The following PLXNA4 variants were observed in gnomAD, a reference collection of about 807,000 sequenced individuals.
PLXNA4 encodes plexin-A4.
In PLXNA4, 44 loss-of-function variants were observed where a neutral mutation model predicts 191.8. That is an observed-to-expected ratio of 0.23 (90% confidence interval 0.18 to 0.29). The LOEUF (loss-of-function observed/expected upper bound fraction) is 0.29, where lower values mean the gene tolerates loss of function less well. Ranked by LOEUF, PLXNA4 falls within the 10% of genes least tolerant of loss-of-function variation. PLXNA4 has a pLI of 1.00. For missense variants in PLXNA4, 1,800 were observed against 2,488.8 expected (o/e 0.72, Z 5.89); for synonymous variants, 1,082 against 1,009.5 (o/e 1.07, Z -1.36).
At chr7:132,534,135 T>C (rs12540584) in intron 1 of PLXNA4, among the ~76,000 whole-genome samples, 5,124 of 151,728 alleles carry the variant, frequency 0.034, 233 homozygotes, top group African/African-American at 0.1. Context: ...GTGTGTGTAG[T>C]AGTAAAGAGG....
At chr7:132,148,438 TG>T in intron 26 of PLXNA4, 104 bp downstream of exon 26, 1 of 1,487,572 alleles carries the variant, frequency 6.7e-7, no homozygotes, top group African/African-American at 1.4e-5. Flanking sequence ...GAACATGGAG[TG>T]CTGGTGAGGG....
chr7:132,298,974 C>T (rs780087613), intron 3 of PLXNA4, among the ~76,000 whole-genome samples: 53 of 152,218 alleles, frequency 3.5e-4, no homozygotes, highest in Non-Finnish European at 6.5e-4. Flanking sequence ...AAGACTTCTG[C>T]CCACATGCCC....
chr7:132,356,379 C>T (rs1286757486), intron 3 of PLXNA4, among the ~76,000 whole-genome samples: 1 of 152,142 alleles, frequency 6.6e-6, no homozygotes, highest in Non-Finnish European at 1.5e-5. Context: ...ATTGCTGAGC[C>T]GTTTATAAAC....
intron 3 of PLXNA4, among the ~76,000 whole-genome samples, chr7:132,484,339 C>T (rs931454827): frequency 3.9e-5 from 6 of 152,184 alleles, no homozygotes; most frequent in East Asian, 3.9e-4. Flanking sequence ...TGTGGTTGAA[C>T]GTGAAATCAG....
chr7:132,151,273 AAGAAGG>A (rs1795593352), intron 25 of PLXNA4, among the ~76,000 whole-genome samples: 1 of 106,346 alleles, frequency 9.4e-6, no homozygotes, highest in African/African-American at 2.9e-5. Context: ...GAGGAGGAAG[AAGAAGG>A]AGGAGGAGGA....
chr7:132,573,039 G>A (rs1802050505), intron 1 of PLXNA4, among the ~76,000 whole-genome samples: 1 of 151,760 alleles, frequency 6.6e-6, no homozygotes, highest in African/African-American at 2.4e-5. Context: ...GAATGGGCTG[G>A]CGGATGTGCG....
intron 1 of PLXNA4, among the ~76,000 whole-genome samples, chr7:132,571,879 A>C (rs1020006501): frequency 1.3e-5 from 2 of 152,102 alleles, no homozygotes; most frequent in Admixed American, 1.3e-4. Flanking sequence ...GGAATTGCCA[A>C]ATGAGGTGAC....
Position 132,179,859 on chromosome 7 carries a change from G to A in PLXNA4, c.3702C>T (p.Leu1234=), listed in dbSNP as rs372461782. The change falls in exon 20 of 32, where the codon CTC becomes CTT. Residue 1234 remains leucine, a synonymous_variant. Transcript: ENST00000321063. ...GMVYIAPDSP[L]SLPAIVSIAV... is the part of the protein sequence containing the mutation. ...CGATGCTGACGATGGCGGGCAGGCT[G>A]AGCGGGCTGTCCGGGGCAATGTACA... 3.1e-6 allele frequency: 5 copies of A among 1,613,292 alleles called. No individual in the cohort carries two copies. In the African/African-American group the frequency reaches 4.0e-5, roughly 13 times the overall value.
intron 2 of PLXNA4, among the ~76,000 whole-genome samples, chr7:132,501,939 G>A (rs370836001): frequency 1.3e-5 from 2 of 152,326 alleles, no homozygotes; most frequent in African/African-American, 2.4e-5. Context: ...AGGATGGTGC[G>A]GGGAAGAGGA....
intron 4 of PLXNA4, among the ~76,000 whole-genome samples, chr7:132,256,942 A>G (rs935918931): frequency 6.6e-6 from 1 of 152,214 alleles, no homozygotes; most frequent in Non-Finnish European, 1.5e-5. Context: ...TTCCCCATTC[A>G]TAAGCAATTT....
intron 19 of PLXNA4, 72 bp from the exon 20 acceptor site, chr7:132,179,993 C>A: frequency 6.6e-7 from 1 of 1,506,154 alleles, no homozygotes; most frequent in East Asian, 2.4e-5. Context: ...CCAAGTTACC[C>A]ATGAACTAGT....
At chr7:132,601,950 A>G (rs1459321991) in intron 2 of PLXNA4, among the ~76,000 whole-genome samples, 1 of 152,222 alleles carries the variant, frequency 6.6e-6, no homozygotes, top group African/African-American at 2.4e-5. Flanking sequence ...ACTATGATTT[A>G]TCTCTCATTC....
At chr7:132,151,457 AGGAGGAGGAGGAGAAAGG>A (rs1338704458) in intron 25 of PLXNA4, among the ~76,000 whole-genome samples, 3 of 100,396 alleles carry the variant, frequency 3.0e-5, no homozygotes, top group African/African-American at 1.2e-4. Context: ...AAGAAGAAGG[AGGAGGAGGAGGAGAAAGG>A]AGGAGGAGGA....
intron 4 of PLXNA4, among the ~76,000 whole-genome samples, chr7:132,270,643 C>T (rs1800031968): frequency 6.6e-6 from 1 of 152,158 alleles, no homozygotes; most frequent in African/African-American, 2.4e-5. Flanking sequence ...TATGTAATAC[C>T]TCTATGAAAA....
At chr7:132,416,462 T>C (rs1429659830) in intron 3 of PLXNA4, among the ~76,000 whole-genome samples, 1 of 152,214 alleles carries the variant, frequency 6.6e-6, no homozygotes, top group African/African-American at 2.4e-5. Flanking sequence ...TAGCCAGTTA[T>C]GTCGAAGGCT....
chr7:132,580,486 C>T (rs1025222759), upstream of PLXNA4, among the ~76,000 whole-genome samples: 1 of 152,136 alleles, frequency 6.6e-6, no homozygotes, highest in Non-Finnish European at 1.5e-5. Flanking sequence ...ATTGTCTGGA[C>T]CCATGGCCAC....
chr7:132,212,972 C>T (rs980761533), intron 9 of PLXNA4, among the ~76,000 whole-genome samples: 10 of 152,212 alleles, frequency 6.6e-5, no homozygotes, highest in Non-Finnish European at 1.3e-4. Flanking sequence ...ACAACAGCAT[C>T]ATTCACAACA....
At chr7:132,538,778 T>C (rs188035704) in intron 1 of PLXNA4, among the ~76,000 whole-genome samples, 1 of 152,276 alleles carries the variant, frequency 6.6e-6, no homozygotes, top group African/African-American at 2.4e-5. Context: ...TCCCACACTT[T>C]GATTCCAGCT....
intron 1 of PLXNA4, among the ~76,000 whole-genome samples, chr7:132,521,177 TGAAAAAAAAAA>T (rs1289679000): frequency 1.0e-4 from 12 of 115,628 alleles, no homozygotes; most frequent in African/African-American, 3.3e-4. Context: ...ATTTGCTCCT[TGAAAAAAAAAA>T]AAAAAAAAAA....
Sources: allele counts gnomAD v4.1 joint callset (sites outside exome capture counted in the v4.1 genomes callset), GRCh38; gene constraint gnomAD v4.1.1; transcripts MANE v1.5; gene names NCBI Gene and HGNC (gene_info 2026-07-23, HGNC 2026-07-21).